MARS1: variants seen among roughly 807,000 people sequenced by gnomAD.
The protein encoded by MARS1 is methionyl-tRNA synthetase 1, also known as methionine--tRNA ligase, cytoplasmic.
In MARS1, 80 loss-of-function variants were observed where a neutral mutation model predicts 119.5. The observed-to-expected ratio is 0.67, with a 90% CI of 0.56 to 0.81. The LOEUF is 0.81. MARS1 is among the 30% of genes least tolerant of loss of function. The pLI is 0.00. For missense variants in MARS1, 945 were observed against 1,116.5 expected (o/e 0.85, Z 2.19); for synonymous variants, 418 against 433.4 (o/e 0.96, Z 0.44).
intron 1 of MARS1, chr12:57,488,468 TC>T: frequency 8.3e-7 from 1 of 1,208,620 alleles, no homozygotes; most frequent in East Asian, 2.6e-5. Flanking sequence ...AAACTGCTCT[TC>T]CCTTCCCAAC....
Position 57,489,505 on chromosome 12 carries a change from C to G in MARS1, c.361C>G (p.Leu121Val), listed in dbSNP as rs754622037. ...EDVLGSVRRA[L>V]THIDHSLSRQ... The stretch of plus-strand genomic sequence containing the variant: ...TGTTCTTGGTTCAGTGCGGAGAGCC[C>G]TGACTCACATTGACCACAGCTTGAG... Residue 121 changes from leucine to valine, a missense_variant, in exon 4 of 21, where the codon CTG becomes GTG. By Grantham distance (32) the Leu-to-Val change is conservative. Transcript: ENST00000262027. The G allele has an allele frequency of 6.2e-7, 1 of 1,614,148 alleles. No homozygotes were observed. Among genetic ancestry groups the G allele is most frequent in the Admixed American group, 1.7e-5 (1 of 60,008 alleles).
Position 57,488,173 on chromosome 12 carries a change from T to C in MARS1, c.83T>C (p.Val28Ala). The change falls in exon 1 of 21, where the codon GTG becomes GCG. Residue 28 changes from valine to alanine, a missense_variant. Physicochemically the swap from Val to Ala is moderately conservative, Grantham distance 64. Transcript: ENST00000262027. ...GGGAGAGCCCGGGGCAGAGCAGAGG[T>C]GCTCATCAGCACTGTAGGCCCGGAA... is the stretch of plus-strand genomic sequence containing the variant. ...AAGRARGRAE[V>A]LISTVGPEDC... 2 of 1,613,870 alleles carry C rather than the reference T, an allele frequency of 1.2e-6. No individual in the cohort carries two copies. The highest frequency in any genetic ancestry group is 1.7e-6 in the Non-Finnish European group (2 of 1,179,920).
At chr12:57,508,828 C>T (rs1555167958) in intron 11 of MARS1, among the ~76,000 whole-genome samples, 1 of 152,150 alleles carries the variant, frequency 6.6e-6, no homozygotes, top group Non-Finnish European at 1.5e-5. Context: ...TCCCAAAGTG[C>T]TGGGATTACA....
chr12:57,497,396 C>T (rs1565643399), intron 7 of MARS1, among the ~76,000 whole-genome samples: 1 of 152,120 alleles, frequency 6.6e-6, no homozygotes, highest in South Asian at 2.1e-4. Context: ...GAGGCAGTGA[C>T]TGTAGGCTAA....
chr12:57,495,877 G>A (rs1452143961), intron 7 of MARS1, among the ~76,000 whole-genome samples: 1 of 152,202 alleles, frequency 6.6e-6, no homozygotes, highest in Non-Finnish European at 1.5e-5. Flanking sequence ...GCGCGCGCCT[G>A]CAATCCCAGG....
In MARS1 at chr12:57,490,399, C is replaced by T. The variant is rs780847522; in HGVS notation, c.663+20C>T. The T allele has an allele frequency of 3.7e-6, 6 of 1,611,878 alleles. No individual in the cohort carries two copies. The South Asian group carries it at 5.5e-5, about 15-fold the overall frequency. On this transcript the variant is annotated intron_variant, in intron 6 of 20. Transcript: ENST00000262027. ...CCTGAGGTTTGGAATAGGGCAGAGC[C>T]TTGGGGCCTGAGGTGGGAGGTGGCT... is the stretch of plus-strand genomic sequence containing the variant.
Position 57,489,414 on chromosome 12 carries a change from T to C in MARS1, c.280-10T>C, listed in dbSNP as rs1387998965. 4 of 1,614,098 alleles carry C rather than the reference T, an allele frequency of 2.5e-6. No individual in the cohort carries two copies. The highest frequency in any genetic ancestry group is 3.4e-6 in the Non-Finnish European group (4 of 1,180,040). On this transcript the variant is annotated splice_polypyrimidine_tract_variant and intron_variant, in intron 3 of 20. Transcript: ENST00000262027. ...CGTGGCCATCCTGACTCATGTCCCC[T>C]GCATTTTAGCCAGCTTTGTCTGCTG... is the stretch of plus-strand genomic sequence containing the variant.
intron 9 of MARS1, among the ~76,000 whole-genome samples, chr12:57,499,781 C>T (rs2140018847): frequency 6.6e-6 from 1 of 152,128 alleles, no homozygotes; most frequent in African/African-American, 2.4e-5. Context: ...CACCTATAAT[C>T]CCAGCTACTT....
At chr12:57,499,284 C>CAAAA (rs35924774) in intron 9 of MARS1, among the ~76,000 whole-genome samples, 2 of 37,888 alleles carry the variant, frequency 5.3e-5, no homozygotes, top group East Asian at 7.2e-4. Context: ...AACTCTGTCT[C>CAAAA]AAAAAAAAAA....
chr12:57,512,748 C>T lies in MARS1; in HGVS notation c.1754-3C>T, dbSNP rs759795587. On this transcript the variant is annotated splice_region_variant and splice_polypyrimidine_tract_variant and intron_variant, in intron 14 of 20. Coordinates refer to ENST00000262027, the MANE Select transcript of MARS1 (RefSeq NM_004990.4). ...TGGTTCTCACTCATTCTCCTCTGTCCAGAGTACCTGAACTATGAGGATGGG... is the reference window on the plus strand; with the variant it reads ...TGGTTCTCACTCATTCTCCTCTGTCTAGAGTACCTGAACTATGAGGATGGG... The T allele has an allele frequency of 1.2e-6, 2 of 1,612,178 alleles. No homozygotes were observed. The highest frequency in any genetic ancestry group is 1.7e-6 in the Non-Finnish European group (2 of 1,178,376).
rs746467641 is a variant in MARS1 at position 57,516,547 on chromosome 12, C to A, written c.2669C>A (p.Pro890His). 1.9e-6 allele frequency: 3 copies of A among 1,597,000 alleles called. No homozygotes were observed. The highest frequency in any genetic ancestry group is 2.6e-6 in the Non-Finnish European group (3 of 1,175,226). ...KKQLAVAEGKPPEAPKGKKKK is the reference protein window; with the variant it reads ...KKQLAVAEGKHPEAPKGKKKK ...CAGTTGGCTGTAGCTGAGGGGAAAC[C>A]CCCTGAAGCCCCTAAAGGCAAGAAG... The change falls in exon 21 of 21, where the codon CCC (proline) becomes CAC (histidine). Residue 890 changes from proline to histidine, a missense_variant. Pro to His is a moderately conservative substitution (Grantham distance 77). Coordinates refer to ENST00000262027, the MANE Select transcript of MARS1 (RefSeq NM_004990.4).
intron 20 of MARS1, 35 bp downstream of exon 20, chr12:57,516,372 G>T (rs1877830254): frequency 6.2e-7 from 1 of 1,613,196 alleles, no homozygotes; most frequent in Non-Finnish European, 8.5e-7. Context: ...GACTGGACAA[G>T]CTGAATCCTA....
intron 1 of MARS1, 200 bp downstream of exon 1, chr12:57,488,399 C>T: frequency 1.4e-6 from 1 of 733,278 alleles, no homozygotes; most frequent in Non-Finnish European, 2.2e-6. Context: ...CAATATAATA[C>T]CCTTCCCTTA....
chr12:57,501,799 G>C (rs1033076429), intron 10 of MARS1, among the ~76,000 whole-genome samples: 8 of 150,534 alleles, frequency 5.3e-5, no homozygotes, highest in African/African-American at 2.0e-4. Context: ...TCCAGCCTGG[G>C]TTACAAAGTA....
chr12:57,509,159 G>A (rs1877389876), intron 11 of MARS1, among the ~76,000 whole-genome samples: 2 of 151,834 alleles, frequency 1.3e-5, no homozygotes, highest in Non-Finnish European at 1.5e-5. Flanking sequence ...CAGTAGGAAC[G>A]TATTCAAGGT....
In MARS1 at chr12:57,500,423, C is replaced by T. The variant is rs1057522398; in HGVS notation, c.1194C>T (p.Asp398=). ...RCEHCARFLA[D]RFVEGVCPFC... ...AGCACTGTGCTCGCTTCCTGGCTGA[C>T]CGCTTCGTGGAGGGCGTGTGTCCCT... The change falls in exon 10 of 21, where the codon GAC becomes GAT. Residue 398 remains aspartate (D), a synonymous_variant. Transcript: ENST00000262027. 1.3e-5 allele frequency: 21 copies of T among 1,614,046 alleles called. No homozygotes were observed. The highest frequency in any genetic ancestry group is 1.7e-5 in the Non-Finnish European group (20 of 1,180,036).
At chr12:57,488,880 C>G in intron 1 of MARS1, 139 bp from the exon 2 acceptor site, 1 of 794,418 alleles carries the variant, frequency 1.3e-6, no homozygotes. Context: ...TTTCAGTGGT[C>G]CTATCCTGGA....
At chr12:57,506,249 A>G (rs1325471782) in intron 11 of MARS1, among the ~76,000 whole-genome samples, 4 of 151,888 alleles carry the variant, frequency 2.6e-5, no homozygotes, top group African/African-American at 7.3e-5. Context: ...ACAGACTGAG[A>G]CTCTGTATCA....
intron 7 of MARS1, among the ~76,000 whole-genome samples, chr12:57,493,030 G>C (rs1402268939): frequency 6.6e-6 from 1 of 151,822 alleles, no homozygotes; most frequent in Admixed American, 6.6e-5. Context: ...AACTCTTCTT[G>C]CAGAGAGGAG....
Sources: allele counts gnomAD v4.1 joint callset (sites outside exome capture counted in the v4.1 genomes callset), GRCh38; gene constraint gnomAD v4.1.1; transcripts MANE v1.5; gene names NCBI Gene and HGNC (gene_info 2026-07-23, HGNC 2026-07-21).